MTSS1: variants seen among roughly 807,000 people sequenced by gnomAD.
MTSS1 encodes the protein protein MTSS 1.
In MTSS1, 18 loss-of-function variants were observed where a neutral mutation model predicts 79.0. The ratio of observed to expected loss-of-function variants is 0.23; its 90% CI spans 0.16 to 0.34. The LOEUF is 0.34. MTSS1 is among the 10% of genes least tolerant of loss of function. The pLI is 1.00. For synonymous variants in MTSS1, 341 were observed against 368.6 expected, an observed-to-expected ratio of 0.93 and a Z score of 0.86; for missense variants, 815 against 986.2, an observed-to-expected ratio of 0.83 and a Z score of 2.33.
intron 7 of MTSS1, chr8:124,567,851 G>T: frequency 2.0e-6 from 3 of 1,478,312 alleles, no homozygotes; most frequent in South Asian, 2.6e-5. Flanking sequence ...CTTCCAGAAC[G>T]CCTGCAGTGC....
chr8:124,714,556 G>A (rs1831640746), intron 1 of MTSS1, among the ~76,000 whole-genome samples: 2 of 152,262 alleles, frequency 1.3e-5, no homozygotes, highest in Admixed American at 1.3e-4. Context: ...TCCGCCTCCA[G>A]GGTTCAAGTG....
chr8:124,678,799 C>T (rs1825703958), intron 3 of MTSS1, among the ~76,000 whole-genome samples: 1 of 152,214 alleles, frequency 6.6e-6, no homozygotes, highest in Non-Finnish European at 1.5e-5. Context: ...GTGTACTGGG[C>T]TGCAAGAGCA....
chr8:124,584,641 C>T (rs944108013), intron 6 of MTSS1, among the ~76,000 whole-genome samples: 1 of 152,178 alleles, frequency 6.6e-6, no homozygotes, highest in Admixed American at 6.5e-5. Context: ...GGCCATGACT[C>T]CCAGCTTCCC....
chr8:124,596,026 C>G (rs1327708289), intron 3 of MTSS1, among the ~76,000 whole-genome samples: 1 of 152,202 alleles, frequency 6.6e-6, no homozygotes, highest in African/African-American at 2.4e-5. Context: ...TGTGCAGCTG[C>G]TGCCATCAGC....
Position 124,556,302 on chromosome 8 carries a change from G to A in MTSS1, c.1334C>T (p.Ala445Val), listed in dbSNP as rs1236437915. ...CTCAGCTGCTGCAGGTGGGCCGCTGGCGGTAGTGGGTCCTCCCCCGTTGGG... is the reference window on the plus strand; with the variant it reads ...CTCAGCTGCTGCAGGTGGGCCGCTGACGGTAGTGGGTCCTCCCCCGTTGGG... ...PDPNGGGPTTASGPPAAAEEA... is the reference protein window; with the variant it reads ...PDPNGGGPTTVSGPPAAAEEA... Residue 445 changes from alanine (A) to valine (V), a missense_variant, in exon 12 of 14, where the codon GCC becomes GTC. This residue lies in a region of MTSS1 where 590 missense variants were observed against 620.8 expected (regional missense o/e 0.95). Coordinates refer to ENST00000518547, the MANE Select transcript of MTSS1 (RefSeq NM_014751.6). 2.5e-6 allele frequency: 4 copies of A among 1,614,094 alleles called. No individual in the cohort carries two copies. In the African/African-American group the frequency reaches 5.3e-5, roughly 22 times the overall value.
chr8:124,587,469 GTT>G (rs1831059400), intron 5 of MTSS1, among the ~76,000 whole-genome samples: 2 of 152,182 alleles, frequency 1.3e-5, no homozygotes, highest in Non-Finnish European at 2.9e-5. Context: ...CTAACTTCAA[GTT>G]AGGGTAGGGG....
At chr8:124,569,189 C>T (rs1185527772) in intron 6 of MTSS1, among the ~76,000 whole-genome samples, 2 of 152,098 alleles carry the variant, frequency 1.3e-5, no homozygotes, top group Non-Finnish European at 1.5e-5. Flanking sequence ...GGGGTCTATG[C>T]GGAGCCTGGC....
At chr8:124,632,811 G>A (rs189090246) in intron 3 of MTSS1, among the ~76,000 whole-genome samples, 1 of 152,334 alleles carries the variant, frequency 6.6e-6, no homozygotes, top group Admixed American at 6.5e-5. Flanking sequence ...GGGACTACAG[G>A]TGTATGCTAC....
At chr8:124,590,794 G>A (rs916175394) in intron 4 of MTSS1, among the ~76,000 whole-genome samples, 6 of 152,190 alleles carry the variant, frequency 3.9e-5, no homozygotes, top group African/African-American at 1.2e-4. Context: ...GGATACCAAG[G>A]CACATCTCAC....
chr8:124,586,426 T>C (rs1372746891), intron 5 of MTSS1, among the ~76,000 whole-genome samples: 1 of 152,178 alleles, frequency 6.6e-6, no homozygotes, highest in Non-Finnish European at 1.5e-5. Flanking sequence ...TCCCTCCAAA[T>C]GGTGCCTCAT....
At chr8:124,614,957 G>A (rs1836564678) in intron 3 of MTSS1, among the ~76,000 whole-genome samples, 1 of 152,256 alleles carries the variant, frequency 6.6e-6, no homozygotes, top group Admixed American at 6.5e-5. Context: ...ATGACACAAT[G>A]TGATAGGAGG....
At chr8:124,722,596 T>C (rs1490880716) in intron 1 of MTSS1, among the ~76,000 whole-genome samples, 1 of 152,224 alleles carries the variant, frequency 6.6e-6, no homozygotes, top group East Asian at 1.9e-4. Flanking sequence ...AATTTACTCC[T>C]CAATTTCATT....
In MTSS1 at chr8:124,557,828, C is replaced by A; in HGVS notation, c.1083G>T (p.Val361=). 1 of 1,603,438 alleles carries A rather than the reference C, an allele frequency of 6.2e-7. No homozygotes were observed. ...SHYSLSSESH[V]GPTGAGLFPH... ...GGAAAAGGCCTGCACCCGTGGGCCC[C>A]ACGTGGGACTCACTTGATAAACTAT... The change falls in exon 11 of 14, where the codon GTG becomes GTT. Residue 361 remains valine (V), a synonymous_variant. Transcript: ENST00000518547.
At chr8:124,708,775 T>C (rs1347155621) in intron 1 of MTSS1, among the ~76,000 whole-genome samples, 2 of 151,838 alleles carry the variant, frequency 1.3e-5, no homozygotes, top group Non-Finnish European at 2.9e-5. Flanking sequence ...AGCCAGAAGG[T>C]TGCCCAAAGT....
chr8:124,617,985 G>A (rs16899867), intron 3 of MTSS1, among the ~76,000 whole-genome samples: 3,380 of 152,218 alleles, frequency 0.022, 165 homozygotes, highest in East Asian at 0.14. Context: ...AATTATTTAC[G>A]TGGGTTATGC....
intron 3 of MTSS1, chr8:124,619,252 C>T (rs887538590): frequency 6.6e-6 from 1 of 152,168 alleles, no homozygotes; most frequent in African/African-American, 2.4e-5. Flanking sequence ...CTGTACACAC[C>T]GTTCAGCTGC....
intron 8 of MTSS1, 109 bp downstream of exon 8, chr8:124,566,962 G>T: frequency 1.3e-6 from 1 of 794,950 alleles, no homozygotes; most frequent in Non-Finnish European, 2.1e-6. Flanking sequence ...GAAGGACGTG[G>T]TGAATATGAC....
chr8:124,666,558 C>T (rs749173186), intron 3 of MTSS1, among the ~76,000 whole-genome samples: 4 of 152,178 alleles, frequency 2.6e-5, no homozygotes, highest in Non-Finnish European at 5.9e-5. Flanking sequence ...AGTTCGCCAC[C>T]GGGATCCACA....
At chr8:124,718,027 C>CA (rs1832352017) in intron 1 of MTSS1, among the ~76,000 whole-genome samples, 1 of 152,204 alleles carries the variant, frequency 6.6e-6, no homozygotes, top group Non-Finnish European at 1.5e-5. Context: ...GCAAGGACGC[C>CA]AGGCCGCTAA....
Sources: allele counts gnomAD v4.1 joint callset (sites outside exome capture counted in the v4.1 genomes callset), GRCh38; gene constraint gnomAD v4.1.1; regional missense constraint gnomAD v4.1.1; transcripts MANE v1.5; gene names NCBI Gene and HGNC (gene_info 2026-07-23, HGNC 2026-07-21).